Variants in NUF2 observed in about 807,000 individuals in gnomAD.
NUF2 encodes NUF2 component of NDC80 kinetochore complex.
NUF2 carries 34 observed loss-of-function variants against 61.8 expected under a neutral mutation model. The observed-to-expected ratio is 0.55, with a 90% confidence interval of 0.42 to 0.73. NUF2 has a LOEUF of 0.73. Ranked by LOEUF, NUF2 falls within the 30% of genes least tolerant of loss-of-function variation. The pLI is 0.00. For synonymous variants in NUF2, 172 were observed against 181.6 expected (o/e 0.95, Z 0.42); for missense variants, 445 against 539.1 (o/e 0.83, Z 1.73).
At chr1:163,348,043 A>T in intron 12 of NUF2, 105 bp downstream of exon 12, 1 of 765,786 alleles carries the variant, frequency 1.3e-6, no homozygotes. Context: ...AAAGAGTTTA[A>T]ACAGCTTTAT....
intron 1 of NUF2, among the ~76,000 whole-genome samples, chr1:163,325,436 G>T (rs191649442): frequency 8.5e-5 from 13 of 152,312 alleles, no homozygotes; most frequent in Admixed American, 3.9e-4. Flanking sequence ...GACATTAGGA[G>T]AAATGGTTTT....
At chr1:163,349,123 AT>A (rs1651229338) in intron 13 of NUF2, 43 bp downstream of exon 13, 1 of 1,547,140 alleles carries the variant, frequency 6.5e-7, no homozygotes, top group Admixed American at 2.1e-5. Context: ...ATAATCTCTC[AT>A]GTATTTGAGT....
rs560736166 is a variant in NUF2 at position 163,342,342 on chromosome 1, G to A, written c.670-1391G>A. On this transcript the variant is annotated intron_variant, in intron 9 of 13. Transcript: ENST00000271452. The stretch of plus-strand genomic sequence containing the variant: ...AAATCCAAGTTAAAACAAGCACTTT[G>A]TACTTATTAAGTTTAGACCTTTTAT... Among the ~76,000 whole-genome samples, 6 of 151,894 alleles carry A rather than the reference G, an allele frequency of 4.0e-5. No individual in the cohort carries two copies. In the East Asian group the frequency reaches 1.2e-3, roughly 29 times the overall value.
chr1:163,339,826 G>C (rs553532612), intron 8 of NUF2, among the ~76,000 whole-genome samples: 1 of 152,202 alleles, frequency 6.6e-6, no homozygotes, highest in South Asian at 2.1e-4. Flanking sequence ...AACCACTGTA[G>C]TACTCAGCAT....
At chr1:163,339,261 G>A in intron 7 of NUF2, 120 bp from the exon 8 acceptor site, 1 of 621,602 alleles carries the variant, frequency 1.6e-6, no homozygotes, top group South Asian at 2.1e-5. Context: ...CACATGAAAG[G>A]GTGTAATTCA....
rs755226490 is a variant in NUF2, at chr1:163,336,768, C to T, written c.355C>T (p.Arg119Trp). Reference protein sequence around the residue: ...ILCPKAKRTSRFLSGIINFIH... With the variant: ...ILCPKAKRTSWFLSGIINFIH... ...TATTTTAGAAGCAAAACGGACAAGT[C>T]GGTTTTTAAGTGGCATTATCAACTT... The change falls in exon 6 of 14, where the codon CGG (arginine) becomes TGG (tryptophan). Residue 119 changes from arginine (R) to tryptophan (W), a missense_variant. Coordinates refer to ENST00000271452, the MANE Select transcript of NUF2 (RefSeq NM_145697.3). 5 of 1,611,174 alleles carry T rather than the reference C, an allele frequency of 3.1e-6. No individual in the cohort carries two copies. The highest frequency in any genetic ancestry group is 2.2e-5 in the East Asian group (1 of 44,744).
In NUF2 at chr1:163,343,775, G is replaced by C. The variant is rs769098815; in HGVS notation, c.712G>C (p.Glu238Gln). 9 of 1,445,982 alleles carry C rather than the reference G, an allele frequency of 6.2e-6. No individual in the cohort carries two copies. The highest frequency in any genetic ancestry group is 7.4e-6 in the Non-Finnish European group (8 of 1,086,690). 89.6% of individuals were successfully genotyped at this position (1,445,982 alleles called of 1,614,324 possible). ...GGTGGTTTCTTTGAAAGAAATACAA[G>C]AGAGTTTGAAAACAAAAATTGTGGA... ...LSVVSLKEIQ[E>Q]SLKTKIVDSP... The change falls in exon 10 of 14, where the codon GAG (glutamate) becomes CAG (glutamine). Residue 238 changes from glutamate to glutamine, a missense_variant. Glu to Gln is a conservative substitution (Grantham distance 29). Transcript: ENST00000271452.
At chr1:163,335,619 G>A (rs568507682) in intron 5 of NUF2, among the ~76,000 whole-genome samples, 52 of 151,536 alleles carry the variant, frequency 3.4e-4, no homozygotes, top group African/African-American at 1.1e-3. Flanking sequence ...ACCCCTGCCC[G>A]CCATTTACGT....
At chr1:163,351,517 C>T (rs181224713) in intron 13 of NUF2, among the ~76,000 whole-genome samples, 34 of 152,296 alleles carry the variant, frequency 2.2e-4, no homozygotes, top group African/African-American at 7.5e-4. Context: ...GTGTCACCTG[C>T]AGATTTGATC....
rs544627653 is a variant in NUF2 at position 163,324,327 on chromosome 1, G to T, written c.-20-1705G>T. 5.7e-4 allele frequency among the ~76,000 whole-genome samples: 87 copies of T among 152,292 alleles called. 1 individual carries two copies. Among genetic ancestry groups the T allele is most frequent in the Non-Finnish European group, 8.2e-4 (56 of 68,022 alleles). Reference sequence around the variant, plus strand: ...CACAAAACATATTTCCACACACTATGAGGAAGAGTTATTTAATTTGGAACC... The same window carrying T: ...CACAAAACATATTTCCACACACTATTAGGAAGAGTTATTTAATTTGGAACC... On this transcript the variant is annotated intron_variant, in intron 1 of 13. Coordinates refer to ENST00000271452, the MANE Select transcript of NUF2 (RefSeq NM_145697.3).
At chr1:163,339,977 A>G (rs961563175) in intron 8 of NUF2, among the ~76,000 whole-genome samples, 5 of 152,308 alleles carry the variant, frequency 3.3e-5, no homozygotes, top group African/African-American at 1.2e-4. Context: ...GACACAGGAA[A>G]TGAGAATGTC....
chr1:163,352,944 C>T (rs1040667960), intron 13 of NUF2, among the ~76,000 whole-genome samples: 5 of 152,100 alleles, frequency 3.3e-5, no homozygotes, highest in Non-Finnish European at 7.4e-5. Context: ...TTCCACATAA[C>T]TTTCTTTTAC....
chr1:163,331,016 C>G (rs1329403402), intron 5 of NUF2, among the ~76,000 whole-genome samples: 2 of 129,236 alleles, frequency 1.5e-5, no homozygotes, highest in Admixed American at 8.4e-5. Flanking sequence ...AATAGAGATG[C>G]CTTTTATTCT....
At chr1:163,340,939 T>A (rs1379400922) in intron 9 of NUF2, among the ~76,000 whole-genome samples, 1 of 152,218 alleles carries the variant, frequency 6.6e-6, no homozygotes, top group Non-Finnish European at 1.5e-5. Flanking sequence ...ATCATATGCA[T>A]ACATATGTAC....
chr1:163,351,352 G>C (rs1267678670), intron 13 of NUF2, among the ~76,000 whole-genome samples: 2 of 152,088 alleles, frequency 1.3e-5, no homozygotes, highest in Non-Finnish European at 2.9e-5. Context: ...GTTCTGCCTT[G>C]TTAAGAGTTT....
intron 13 of NUF2, among the ~76,000 whole-genome samples, chr1:163,353,545 G>A (rs914807227): frequency 1.3e-5 from 2 of 152,106 alleles, no homozygotes; most frequent in Non-Finnish European, 2.9e-5. Flanking sequence ...TTAAATAGTA[G>A]CCACATGTGT....
chr1:163,325,582 G>C (rs1007168217), intron 1 of NUF2, among the ~76,000 whole-genome samples: 2 of 151,968 alleles, frequency 1.3e-5, no homozygotes, highest in Admixed American at 1.3e-4. Context: ...TAATGAATAG[G>C]ATGTCAAAAC....
In NUF2 at chr1:163,327,472, TTG is replaced by T. The variant is rs757033419; in HGVS notation, c.124-14_124-13del. 15 of 1,504,920 alleles carry T rather than the reference TTG, an allele frequency of 1.0e-5. No individual in the cohort carries two copies. Among genetic ancestry groups the T allele is most frequent in the Non-Finnish European group, 1.4e-5 (15 of 1,081,670 alleles). 93.2% of individuals were successfully genotyped at this position (1,504,920 alleles called of 1,614,324 possible). Reference sequence around the variant, plus strand: ...GAGTTATGCATCGGAGTATTCAAAGTTGTTTTTTGCTGTAGCCTGAAGTCTTG... The same window carrying T: ...GAGTTATGCATCGGAGTATTCAAAGTTTTTTTGCTGTAGCCTGAAGTCTTG... On this transcript the variant is annotated splice_polypyrimidine_tract_variant and intron_variant, in intron 2 of 13. Coordinates refer to ENST00000271452, the MANE Select transcript of NUF2 (RefSeq NM_145697.3).
chr1:163,322,885 T>C (rs1650282750), intron 1 of NUF2: 1 of 152,220 alleles, frequency 6.6e-6, no homozygotes, highest in Non-Finnish European at 1.5e-5. Context: ...ACTATGTAGT[T>C]GGAAAGTGTC....
Sources: allele counts gnomAD v4.1 joint callset (sites outside exome capture counted in the v4.1 genomes callset), GRCh38; gene constraint gnomAD v4.1.1; transcripts MANE v1.5; gene names NCBI Gene and HGNC (gene_info 2026-07-23, HGNC 2026-07-21).